Variants in CACNG2 observed in about 807,000 individuals in gnomAD.
CACNG2 encodes the protein voltage-dependent calcium channel gamma-2 subunit.
CACNG2 carries 3 observed loss-of-function variants against 25.9 expected under a neutral mutation model. The ratio of observed to expected loss-of-function variants is 0.12; its 90% CI spans 0.05 to 0.30. The LOEUF (loss-of-function observed/expected upper bound fraction) is 0.30. Ranked by LOEUF, CACNG2 falls within the 10% of genes least tolerant of loss-of-function variation. The pLI is 1.00. For synonymous variants in CACNG2, 167 were observed against 173.3 expected (o/e 0.96, Z 0.29); for missense variants, 341 against 432.5 (o/e 0.79, Z 1.88).
Position 36,562,974 on chromosome 22 carries a change from T to C in CACNG2, c.*1377A>G, listed in dbSNP as rs1175795373. The C allele has an allele frequency of 6.6e-6, 1 of 152,030 alleles. No individual in the cohort carries two copies. Among genetic ancestry groups the C allele is most frequent in the Non-Finnish European group, 1.5e-5 (1 of 67,990 alleles). 9.4% of individuals were successfully genotyped at this position (152,030 alleles called of 1,614,324 possible). On this transcript the variant is annotated 3_prime_UTR_variant, in exon 4 of 4. Transcript: ENST00000300105. ...GTTTTTTTTTTCTTTACAAGTTCCC[T>C]GCTAAAGTTTAAGTCCCCCACCCCG...
At chr22:36,580,882 T>A (rs1408820796) in intron 2 of CACNG2, among the ~76,000 whole-genome samples, 1 of 151,932 alleles carries the variant, frequency 6.6e-6, no homozygotes, top group Non-Finnish European at 1.5e-5. Flanking sequence ...GGGACCCACA[T>A]ACACACAGAC....
chr22:36,566,195 G>A (rs1230600723), intron 3 of CACNG2, among the ~76,000 whole-genome samples, 158 bp downstream of exon 3: 1 of 152,058 alleles, frequency 6.6e-6, no homozygotes, highest in Non-Finnish European at 1.5e-5. Context: ...CAGGACAGGA[G>A]CCCCCCCACC....
At chr22:36,577,520 C>T (rs1935341561) in intron 2 of CACNG2, among the ~76,000 whole-genome samples, 3 of 151,990 alleles carry the variant, frequency 2.0e-5, no homozygotes, top group South Asian at 2.1e-4. Flanking sequence ...CGTGGTGGCG[C>T]AGGCCCGTAG....
At chr22:36,644,688 AAAT>A (rs1200869150) in intron 1 of CACNG2, among the ~76,000 whole-genome samples, 1 of 152,214 alleles carries the variant, frequency 6.6e-6, no homozygotes, top group African/African-American at 2.4e-5. Context: ...TGTAAAATGG[AAAT>A]AATAATAATA....
chr22:36,611,477 G>T (rs577106164), intron 1 of CACNG2, among the ~76,000 whole-genome samples: 6 of 152,350 alleles, frequency 3.9e-5, no homozygotes, highest in Admixed American at 6.5e-5. Flanking sequence ...CAAGGGCAAT[G>T]AAGCTCAAGG....
At chr22:36,604,831 G>A (rs1935808098) in intron 1 of CACNG2, among the ~76,000 whole-genome samples, 1 of 152,196 alleles carries the variant, frequency 6.6e-6, no homozygotes, top group Admixed American at 6.5e-5. Context: ...AGGTTGGAGT[G>A]AAATGGCACA....
intron 2 of CACNG2, among the ~76,000 whole-genome samples, chr22:36,577,613 G>A (rs1049737674): frequency 6.8e-6 from 1 of 147,286 alleles, no homozygotes; most frequent in Non-Finnish European, 1.5e-5. Flanking sequence ...TCATGCCACC[G>A]CGCTCCAGTC....
At chr22:36,677,453 G>A (rs1468240693) in intron 1 of CACNG2, among the ~76,000 whole-genome samples, 1 of 152,188 alleles carries the variant, frequency 6.6e-6, no homozygotes, top group Non-Finnish European at 1.5e-5. Context: ...GGATGGGTGT[G>A]TCTTCCTCTG....
At chr22:36,643,485 T>TATC (rs1158307075) in intron 1 of CACNG2, among the ~76,000 whole-genome samples, 5 of 141,676 alleles carry the variant, frequency 3.5e-5, no homozygotes, top group Non-Finnish European at 4.8e-5. Context: ...TCTATCTATC[T>TATC]ATCTATCTAT....
At chr22:36,691,098 T>C (rs1937263422) in intron 1 of CACNG2, among the ~76,000 whole-genome samples, 1 of 152,160 alleles carries the variant, frequency 6.6e-6, no homozygotes, top group African/African-American at 2.4e-5. Context: ...GTAAATTTTG[T>C]TGAAGAAATA....
At chr22:36,643,405 A>G (rs1343060335) in intron 1 of CACNG2, among the ~76,000 whole-genome samples, 1 of 152,078 alleles carries the variant, frequency 6.6e-6, no homozygotes, top group African/African-American at 2.4e-5. Flanking sequence ...GGATATAGAA[A>G]TGAACAAAAT....
At chr22:36,607,700 C>T (rs1055555398) in intron 1 of CACNG2, among the ~76,000 whole-genome samples, 1 of 152,192 alleles carries the variant, frequency 6.6e-6, no homozygotes, top group African/African-American at 2.4e-5. Flanking sequence ...AGCCACATTC[C>T]CATTTCCAGG....
At chr22:36,624,854 C>T (rs1161191486) in intron 1 of CACNG2, among the ~76,000 whole-genome samples, 1 of 151,736 alleles carries the variant, frequency 6.6e-6, no homozygotes, top group African/African-American at 2.4e-5. Context: ...ATGGTGAAAC[C>T]CTGTCTCTAC....
At chr22:36,639,868 A>G (rs2145965629) in intron 1 of CACNG2, among the ~76,000 whole-genome samples, 1 of 152,260 alleles carries the variant, frequency 6.6e-6, no homozygotes, top group East Asian at 1.9e-4. Context: ...AGGCCCTGTC[A>G]TCTGTCTTCT....
chr22:36,675,115 C>T (rs1465423158), intron 1 of CACNG2, among the ~76,000 whole-genome samples: 1 of 152,172 alleles, frequency 6.6e-6, no homozygotes, highest in Non-Finnish European at 1.5e-5. Context: ...CGGCTCACTG[C>T]AACCTCAACC....
intron 1 of CACNG2, among the ~76,000 whole-genome samples, chr22:36,666,165 G>C (rs9610559): frequency 0.24 from 36,595 of 152,114 alleles, 4,536 homozygotes; most frequent in Middle Eastern, 0.33. Context: ...AGCACTTTTG[G>C]AGGCTGATGT....
At chr22:36,620,141 G>A (rs149106402) in intron 1 of CACNG2, among the ~76,000 whole-genome samples, 298 of 152,348 alleles carry the variant, frequency 2.0e-3, no homozygotes, top group Admixed American at 3.7e-3. Context: ...AGGACTAATA[G>A]ACTCTAGGAA....
chr22:36,570,436 C>A (rs142142186), intron 2 of CACNG2, among the ~76,000 whole-genome samples: 1 of 152,168 alleles, frequency 6.6e-6, no homozygotes, highest in Non-Finnish European at 1.5e-5. Flanking sequence ...CAAGCTCTGG[C>A]CTTTCGTGGA....
At chr22:36,693,003 A>G (rs1029111465) in intron 1 of CACNG2, among the ~76,000 whole-genome samples, 7 of 152,084 alleles carry the variant, frequency 4.6e-5, no homozygotes, top group Admixed American at 3.3e-4. Context: ...AAAATTAGAT[A>G]AGCATGGTGG....
Sources: allele counts gnomAD v4.1 joint callset (sites outside exome capture counted in the v4.1 genomes callset), GRCh38; gene constraint gnomAD v4.1.1; transcripts MANE v1.5; gene names NCBI Gene and HGNC (gene_info 2026-07-23, HGNC 2026-07-21).